RPRD2: variants seen among roughly 807,000 people sequenced by gnomAD.
RPRD2 encodes the protein regulation of nuclear pre-mRNA domain containing 2, also known as regulation of nuclear pre-mRNA domain-containing protein 2.
RPRD2 carries 12 observed loss-of-function variants against 104.4 expected under a neutral mutation model. That is an observed-to-expected ratio of 0.11 (90% confidence interval 0.07 to 0.19). The LOEUF (loss-of-function observed/expected upper bound fraction) is 0.19, where lower values mean the gene tolerates loss of function less well. Among genes scored for constraint, RPRD2 ranks in the 10% least tolerant of loss-of-function variants. The pLI is 1.00. For synonymous variants in RPRD2, 714 were observed against 684.9 expected (o/e 1.04, Z -0.66); for missense variants, 1,543 against 1,790.1 (o/e 0.86, Z 2.49).
intron 1 of RPRD2, among the ~76,000 whole-genome samples, chr1:150,404,382 G>A (rs1338346193): frequency 1.3e-5 from 2 of 152,056 alleles, no homozygotes; most frequent in Non-Finnish European, 2.9e-5. Context: ...GAGTAGCTGG[G>A]ACCACAGGTG....
At chr1:150,388,912 AATT>A (rs1401105868) in intron 1 of RPRD2, among the ~76,000 whole-genome samples, 5 of 151,640 alleles carry the variant, frequency 3.3e-5, no homozygotes, top group African/African-American at 1.2e-4. Flanking sequence ...CCTAATATGT[AATT>A]ATTAAGAGTC....
chr1:150,379,497 G>T (rs1553880308), intron 1 of RPRD2, among the ~76,000 whole-genome samples: 1 of 151,906 alleles, frequency 6.6e-6, no homozygotes, highest in Non-Finnish European at 1.5e-5. Flanking sequence ...CCGCCTCCCA[G>T]GTTCAAGCGA....
Position 150,402,081 on chromosome 1 carries a change from C to T in RPRD2, c.206-15515C>T, listed in dbSNP as rs935454111. 2.0e-5 allele frequency among the ~76,000 whole-genome samples: 3 copies of T among 152,100 alleles called. No individual in the cohort carries two copies. In the South Asian group the frequency reaches 6.2e-4, roughly 32 times the overall value. On this transcript the variant is annotated intron_variant, in intron 1 of 10. Transcript: ENST00000369068. ...TTCAAGCAGTTCTCTGCCTCAGCCT[C>T]CCGAGTGGCTGGGATTACAGACTCC...
intron 2 of RPRD2, among the ~76,000 whole-genome samples, chr1:150,433,655 A>T (rs1553892443): frequency 6.7e-6 from 1 of 148,754 alleles, no homozygotes; most frequent in Non-Finnish European, 1.5e-5. Context: ...AGTGTTAGCC[A>T]GGATGGTCTC....
chr1:150,411,968 C>G (rs587610471), intron 1 of RPRD2, among the ~76,000 whole-genome samples: 94 of 151,502 alleles, frequency 6.2e-4, no homozygotes, highest in Non-Finnish European at 1.2e-3. Flanking sequence ...ACTAAAAATA[C>G]AAAAATTAGC....
intron 7 of RPRD2, among the ~76,000 whole-genome samples, chr1:150,457,068 A>G (rs186834571): frequency 2.5e-4 from 38 of 152,132 alleles, no homozygotes; most frequent in Admixed American, 1.1e-3. Context: ...TATTAAAAAT[A>G]CAAAAATTAG....
intron 1 of RPRD2, among the ~76,000 whole-genome samples, chr1:150,375,733 G>A (rs1461935241): frequency 6.6e-6 from 1 of 152,004 alleles, no homozygotes; most frequent in East Asian, 1.9e-4. Context: ...TTGTTTTACA[G>A]CAGTACTTTT....
At chr1:150,435,738 G>A (rs966712500) in intron 2 of RPRD2, among the ~76,000 whole-genome samples, 5 of 152,226 alleles carry the variant, frequency 3.3e-5, no homozygotes, top group African/African-American at 1.2e-4. Flanking sequence ...AGCAGCAAGT[G>A]CTGATGTAGA....
At chr1:150,434,541 C>T (rs2102334164) in intron 2 of RPRD2, among the ~76,000 whole-genome samples, 1 of 152,012 alleles carries the variant, frequency 6.6e-6, no homozygotes, top group East Asian at 1.9e-4. Flanking sequence ...TAGGGCTGGG[C>T]CCTGTGGCTT....
chr1:150,441,049 GAA>G (rs782607939), intron 3 of RPRD2, 26 bp downstream of exon 3: 16 of 1,178,834 alleles, frequency 1.4e-5, no homozygotes, highest in Non-Finnish European at 1.2e-6. Flanking sequence ...TCTCCTAAAA[GAA>G]AATTTTTGAG....
chr1:150,369,518 G>A (rs1176109242), intron 1 of RPRD2, among the ~76,000 whole-genome samples: 8 of 134,556 alleles, frequency 5.9e-5, no homozygotes, highest in South Asian at 2.4e-4. Flanking sequence ...GTGCAGTGGC[G>A]CGATCTCGGC....
chr1:150,386,093 G>GA (rs1661544728), intron 1 of RPRD2, among the ~76,000 whole-genome samples: 1 of 152,136 alleles, frequency 6.6e-6, no homozygotes, highest in Admixed American at 6.5e-5. Flanking sequence ...ATTATGCCAA[G>GA]AAAAATACCA....
chr1:150,386,455 G>T (rs770413927), intron 1 of RPRD2, among the ~76,000 whole-genome samples: 2 of 152,184 alleles, frequency 1.3e-5, no homozygotes, highest in African/African-American at 4.8e-5. Flanking sequence ...GGGCTTGGTG[G>T]TGCTGCATTT....
chr1:150,366,551 C>T (rs1659857137), intron 1 of RPRD2, among the ~76,000 whole-genome samples: 1 of 152,144 alleles, frequency 6.6e-6, no homozygotes, highest in African/African-American at 2.4e-5. Context: ...TAAGTATCTG[C>T]TATGTGCCCA....
At chr1:150,423,280 C>T (rs1490029473) in intron 2 of RPRD2, among the ~76,000 whole-genome samples, 2 of 152,136 alleles carry the variant, frequency 1.3e-5, no homozygotes, top group Non-Finnish European at 2.9e-5. Context: ...TACTCTGCAA[C>T]CAGCAACGAC....
chr1:150,461,763 G>A (rs894757247), intron 9 of RPRD2, among the ~76,000 whole-genome samples: 4 of 149,314 alleles, frequency 2.7e-5, no homozygotes, highest in Admixed American at 1.3e-4. Flanking sequence ...GGTGGATCAC[G>A]AGGTCAAGAG....
rs1203478537 is a variant in RPRD2 at position 150,393,454 on chromosome 1, CAAAAAAAA to C, written c.206-24126_206-24119del. 3.1e-3 allele frequency among the ~76,000 whole-genome samples: 185 copies of C among 59,550 alleles called. 1 individual carries two copies. Among genetic ancestry groups the C allele is most frequent in the African/African-American group, 0.01 (173 of 16,910 alleles). The allele number at this position is 59,550 out of a possible 152,430, so 39.1% of individuals were successfully genotyped here. A position where few individuals can be genotyped will look rare whatever the true frequency, so the allele number is the denominator to read the frequency against. ...CCTGGGCAACAGAGAGACCCTGTCTCAAAAAAAAAAAAAAAAAAAAAAACCAATAAAAA... is the reference window on the plus strand; with the variant it reads ...CCTGGGCAACAGAGAGACCCTGTCTCAAAAAAAAAAAAAAACCAATAAAAA... On this transcript the variant is annotated intron_variant, in intron 1 of 10. Transcript: ENST00000369068.
rs368112587 is a variant in RPRD2, at chr1:150,411,661, C to T, written c.206-5935C>T. Among the ~76,000 whole-genome samples, 7 of 129,592 alleles carry T rather than the reference C, an allele frequency of 5.4e-5. No individual in the cohort carries two copies. The South Asian group carries it at 8.9e-4, about 16-fold the overall frequency. The allele number at this position is 129,592 out of a possible 152,430, so 85.0% of individuals were successfully genotyped here. On this transcript the variant is annotated intron_variant, in intron 1 of 10. Transcript: ENST00000369068. ...CAAAAATTAGCCAGGCGTGGTGATG[C>T]GCACCCATAGTCCCAGTTACTCAGG...
Position 150,473,288 on chromosome 1 carries a change from C to T in RPRD2, c.4340C>T (p.Pro1447Leu), listed in dbSNP as rs772361981. ...CCCAGGCCACCTTTTGCTAGGGGCCCTCCGTTCTTTGCACCAAAACGCCCA... is the reference window on the plus strand; with the variant it reads ...CCCAGGCCACCTTTTGCTAGGGGCCTTCCGTTCTTTGCACCAAAACGCCCA... ...KRPRPPFARG[P>L]PFFAPKRPFF... Residue 1447 changes from proline to leucine, a missense_variant, in exon 11 of 11, where the codon CCT becomes CTT. By Grantham distance (98) the Pro-to-Leu change is moderately conservative. Around this residue, in one of 4 missense-constraint regions of RPRD2, gnomAD observed 880 missense variants for 885.6 expected, o/e 0.99. Transcript: ENST00000369068. 5 of 1,613,488 alleles carry T rather than the reference C, an allele frequency of 3.1e-6. No homozygotes were observed. The highest frequency in any genetic ancestry group is 4.2e-6 in the Non-Finnish European group (5 of 1,179,700).
Sources: gnomAD v4.1 joint callset for allele counts (sites outside exome capture counted in the v4.1 genomes callset) on GRCh38, gnomAD v4.1.1 for gene constraint, gnomAD v4.1.1 regional missense constraint, MANE v1.5 for transcripts, NCBI Gene and HGNC (gene_info 2026-07-23, HGNC 2026-07-21) for gene names.